Variants in PDE1A observed in about 807,000 individuals in gnomAD.
The protein encoded by PDE1A is phosphodiesterase 1A, also known as dual specificity calcium/calmodulin-dependent 3',5'-cyclic nucleotide phosphodiesterase 1A.
PDE1A carries 35 observed loss-of-function variants against 61.7 expected under a neutral mutation model. That is an observed-to-expected ratio of 0.57 (90% CI 0.43 to 0.75). The LOEUF is 0.75. Ranked by LOEUF, PDE1A falls within the 30% of genes least tolerant of loss-of-function variation. The pLI is 0.00. For missense variants in PDE1A, 597 were observed against 630.6 expected (o/e 0.95, Z 0.57); for synonymous variants, 232 against 213.2 (o/e 1.09, Z -0.77).
chr2:182,317,009 G>T (rs143154163), intron 1 of PDE1A, among the ~76,000 whole-genome samples: 142 of 152,184 alleles, frequency 9.3e-4, no homozygotes, highest in African/African-American at 3.2e-3. Flanking sequence ...GGTTTAAAAG[G>T]CTTGTGTTTT....
chr2:182,605,544 G>A, the PDE1A span, among the ~76,000 whole-genome samples: 84 of 152,320 alleles, frequency 5.5e-4, no homozygotes, highest in African/African-American at 1.9e-3. Flanking sequence ...GGATGGCCTC[G>A]TGAAATACGG....
intron 7 of PDE1A, among the ~76,000 whole-genome samples, chr2:182,214,320 G>T (rs1687958880): frequency 2.0e-5 from 3 of 152,060 alleles, no homozygotes; most frequent in South Asian, 2.1e-4. Context: ...ATGCCAAATT[G>T]TAAAGACCAT....
intron 1 of PDE1A, among the ~76,000 whole-genome samples, chr2:182,296,059 C>A (rs1311470642): frequency 6.6e-6 from 1 of 152,178 alleles, no homozygotes; most frequent in Admixed American, 6.5e-5. Flanking sequence ...TGCTTTCAAG[C>A]TTTCAATTTT....
At chr2:182,538,941 AT>A in the PDE1A span, among the ~76,000 whole-genome samples, 1 of 152,204 alleles carries the variant, frequency 6.6e-6, no homozygotes. Flanking sequence ...ACCTAAGATT[AT>A]GTCAAAATCA....
chr2:182,277,869 G>T (rs1693540382), intron 1 of PDE1A, among the ~76,000 whole-genome samples: 2 of 152,006 alleles, frequency 1.3e-5, no homozygotes, highest in African/African-American at 2.4e-5. Flanking sequence ...TCAGAAAGCT[G>T]CTCACCTAGA....
At chr2:182,392,406 A>T (rs1473349568) in intron 1 of PDE1A, among the ~76,000 whole-genome samples, 1 of 152,170 alleles carries the variant, frequency 6.6e-6, no homozygotes, top group Admixed American at 6.5e-5. Flanking sequence ...TCCCTCCCAC[A>T]ACACTTGGGA....
At chr2:182,240,322 T>G (rs1690401619) in intron 2 of PDE1A, 30 bp from the exon 3 acceptor site, 1 of 1,412,656 alleles carries the variant, frequency 7.1e-7, no homozygotes, top group Non-Finnish European at 9.5e-7. Context: ...TTAAACTTTT[T>G]TATAAAAAAG....
chr2:182,392,279 C>T (rs1398205194), intron 1 of PDE1A, among the ~76,000 whole-genome samples: 2 of 152,186 alleles, frequency 1.3e-5, no homozygotes, highest in African/African-American at 2.4e-5. Flanking sequence ...GCAAGAGAGA[C>T]AGCATGTGCA....
intron 1 of PDE1A, among the ~76,000 whole-genome samples, chr2:182,423,036 C>G (rs1392436852): frequency 6.6e-6 from 1 of 152,172 alleles, no homozygotes; most frequent in Non-Finnish European, 1.5e-5. Flanking sequence ...CAGGCAGAAT[C>G]ACAGCGTGCC....
chr2:182,528,734 C>T, the PDE1A span, among the ~76,000 whole-genome samples: 1 of 152,170 alleles, frequency 6.6e-6, no homozygotes. Context: ...CTGTGTACAG[C>T]CTAGGGATTT....
At chr2:182,654,887 A>G in the PDE1A span, among the ~76,000 whole-genome samples, 2 of 151,984 alleles carry the variant, frequency 1.3e-5, no homozygotes, top group Non-Finnish European at 2.9e-5. Flanking sequence ...TGTCTCTTCT[A>G]TTGGGAACAC....
Position 182,192,528 on chromosome 2 carries a change from T to C in PDE1A, c.1126-3468A>G, listed in dbSNP as rs545411556. Among the ~76,000 whole-genome samples, 220 of 152,220 alleles carry C rather than the reference T, an allele frequency of 1.4e-3. 1 individual carries two copies. Among genetic ancestry groups the C allele is most frequent in the African/African-American group, 5.1e-3 (213 of 41,556 alleles). ...AGTATAGATTTGGCCACCTTTATAA[T>C]TTCCTCATTCTGTCCCAGGATAAGG... On this transcript the variant is annotated intron_variant, in intron 10 of 13. Coordinates refer to ENST00000351439, the Ensembl canonical transcript of PDE1A.
chr2:182,396,135 C>T (rs148436978), intron 1 of PDE1A, among the ~76,000 whole-genome samples: 1,950 of 152,298 alleles, frequency 0.013, 27 homozygotes, highest in South Asian at 0.047. Flanking sequence ...TAGACTGCCC[C>T]GATGGCCTCA....
chr2:182,525,034 C>T (rs1433447990), upstream of PDE1A, among the ~76,000 whole-genome samples: 3 of 151,888 alleles, frequency 2.0e-5, no homozygotes, highest in Non-Finnish European at 4.4e-5. Flanking sequence ...AATCCTTATT[C>T]TTTCACTGAA....
At chr2:182,654,276 C>A in the PDE1A span, among the ~76,000 whole-genome samples, 1 of 152,168 alleles carries the variant, frequency 6.6e-6, no homozygotes, top group African/African-American at 2.4e-5. Context: ...CACCGTCTAC[C>A]AAAATTCATG....
intron 10 of PDE1A, among the ~76,000 whole-genome samples, chr2:182,190,582 A>G (rs983187569): frequency 2.6e-5 from 4 of 151,516 alleles, no homozygotes; most frequent in Admixed American, 2.6e-4. Flanking sequence ...AATAGTATCT[A>G]TCCTGAAGTT....
At chr2:182,692,588 C>T in the PDE1A span, among the ~76,000 whole-genome samples, 1 of 151,440 alleles carries the variant, frequency 6.6e-6, no homozygotes, top group African/African-American at 2.4e-5. Flanking sequence ...TTAATGGGTG[C>T]AGCACACCAA....
chr2:182,564,619 GTTC>G, the PDE1A span, among the ~76,000 whole-genome samples: 1 of 152,158 alleles, frequency 6.6e-6, no homozygotes, highest in African/African-American at 2.4e-5. Flanking sequence ...GATTGGGGAA[GTTC>G]TCCTGGATAA....
At chr2:182,639,551 G>A in the PDE1A span, among the ~76,000 whole-genome samples, 1 of 152,080 alleles carries the variant, frequency 6.6e-6, no homozygotes, top group South Asian at 2.1e-4. Flanking sequence ...CTGCATGACA[G>A]AGTAAAATTC....
Sources: gnomAD v4.1 joint callset for allele counts (sites outside exome capture counted in the v4.1 genomes callset) on GRCh38, gnomAD v4.1.1 for gene constraint, MANE v1.5 for transcripts, NCBI Gene and HGNC (gene_info 2026-07-23, HGNC 2026-07-21) for gene names.